Variants in HDAC9 observed in about 807,000 individuals in gnomAD.
HDAC9 encodes MEF-2 interacting transcription repressor (MITR) protein.
In HDAC9, 41 loss-of-function variants were observed where a neutral mutation model predicts 139.4. The ratio of observed to expected loss-of-function variants is 0.29; its 90% CI spans 0.23 to 0.38. The LOEUF (loss-of-function observed/expected upper bound fraction) is 0.38, where lower values mean the gene tolerates loss of function less well. HDAC9 is among the 10% of genes least tolerant of loss of function. The pLI is 1.00. For synonymous variants in HDAC9, 517 were observed against 476.2 expected (o/e 1.09, Z -1.12); for missense variants, 1,147 against 1,297.0 (o/e 0.88, Z 1.78).
chr7:18,312,248 T>C (rs185321615), intron 1 of HDAC9, among the ~76,000 whole-genome samples: 2 of 152,306 alleles, frequency 1.3e-5, no homozygotes, highest in East Asian at 3.9e-4. Flanking sequence ...GTGAAAAATC[T>C]ATTTCTCCAT....
chr7:18,746,259 GA>G (rs1301871150), intron 13 of HDAC9, among the ~76,000 whole-genome samples: 1 of 151,992 alleles, frequency 6.6e-6, no homozygotes, highest in Non-Finnish European at 1.5e-5. Context: ...AACTATAGTT[GA>G]AAAAAATGTT....
chr7:18,312,719 G>A (rs12668703), intron 1 of HDAC9, among the ~76,000 whole-genome samples: 2 of 152,122 alleles, frequency 1.3e-5, no homozygotes, highest in African/African-American at 4.8e-5. Flanking sequence ...GTTTGTGTCA[G>A]GAAGTTGCTT....
intron 1 of HDAC9, among the ~76,000 whole-genome samples, chr7:18,441,191 G>A (rs936500588): frequency 2.0e-5 from 3 of 152,096 alleles, no homozygotes; most frequent in African/African-American, 4.8e-5. Flanking sequence ...CATTCTGTTC[G>A]TTTGTTAATA....
In HDAC9 at chr7:18,451,407, A is replaced by G. The variant is rs866246781; in HGVS notation, c.-41-44855A>G. ...TGTGTGTGTGTGTGTGTGTGTATAT[A>G]TGTGTGTGTGTGTGTATATATATGT... On this transcript the variant is annotated intron_variant, in intron 1 of 3. Transcript: ENST00000413509. Among the ~76,000 whole-genome samples, 244 of 116,490 alleles carry G rather than the reference A, an allele frequency of 2.1e-3. 1 individual carries two copies. The highest frequency in any genetic ancestry group is 6.5e-3 in the African/African-American group (213 of 33,014). 76.4% of individuals were successfully genotyped at this position (116,490 alleles called of 152,430 possible).
intron 1 of HDAC9, among the ~76,000 whole-genome samples, chr7:18,095,601 G>A (rs540312778): frequency 1.1e-4 from 16 of 152,110 alleles, no homozygotes; most frequent in African/African-American, 3.1e-4. Context: ...AGAATGGGCC[G>A]GTTTTGACTA....
At chr7:18,873,578 A>G (rs1034808472) in intron 21 of HDAC9, among the ~76,000 whole-genome samples, 4 of 152,180 alleles carry the variant, frequency 2.6e-5, no homozygotes, top group African/African-American at 9.7e-5. Flanking sequence ...AAGGATAACT[A>G]TTTTAATATT....
chr7:18,700,307 G>T (rs753026585), intron 12 of HDAC9, among the ~76,000 whole-genome samples: 1 of 152,208 alleles, frequency 6.6e-6, no homozygotes, highest in Non-Finnish European at 1.5e-5. Flanking sequence ...TTATGAATGA[G>T]TTGTCTTTAT....
At chr7:18,864,027 A>G (rs117375729) in intron 21 of HDAC9, among the ~76,000 whole-genome samples, 8 of 152,284 alleles carry the variant, frequency 5.3e-5, no homozygotes, top group Non-Finnish European at 1.0e-4. Context: ...TTTGTATTAT[A>G]TGTTTTTTAA....
At chr7:18,321,181 G>A (rs765494474) in intron 1 of HDAC9, among the ~76,000 whole-genome samples, 3 of 152,052 alleles carry the variant, frequency 2.0e-5, no homozygotes, top group Non-Finnish European at 4.4e-5. Flanking sequence ...TCCACCTAGT[G>A]GAGGAGATGG....
intron 22 of HDAC9, among the ~76,000 whole-genome samples, chr7:18,907,534 CAT>C (rs1203590845): frequency 1.3e-5 from 2 of 152,166 alleles, no homozygotes; most frequent in Non-Finnish European, 2.9e-5. Context: ...TTTGTGATGT[CAT>C]ATTATTTGAC....
At chr7:18,186,427 G>A (rs1272432276) in intron 2 of HDAC9, among the ~76,000 whole-genome samples, 1 of 152,266 alleles carries the variant, frequency 6.6e-6, no homozygotes, top group Non-Finnish European at 1.5e-5. Flanking sequence ...CTTGTGGTAG[G>A]ATGGTGCTTT....
At chr7:18,314,908 A>G (rs559074250) in intron 1 of HDAC9, among the ~76,000 whole-genome samples, 4 of 152,360 alleles carry the variant, frequency 2.6e-5, no homozygotes, top group African/African-American at 9.6e-5. Context: ...ACAAATAAAT[A>G]TGTGTTAAGT....
intron 1 of HDAC9, among the ~76,000 whole-genome samples, chr7:18,483,882 C>A (rs1795771134): frequency 6.6e-6 from 1 of 151,968 alleles, no homozygotes; most frequent in Non-Finnish European, 1.5e-5. Context: ...TTATTTTAAT[C>A]TTTCTGTTTT....
chr7:18,275,846 C>G (rs1796684561), intron 2 of HDAC9, among the ~76,000 whole-genome samples: 1 of 152,146 alleles, frequency 6.6e-6, no homozygotes, highest in African/African-American at 2.4e-5. Flanking sequence ...TTCCTATTTT[C>G]TAACATACCT....
At chr7:18,543,917 A>T (rs952723141) in intron 2 of HDAC9, among the ~76,000 whole-genome samples, 2 of 151,912 alleles carry the variant, frequency 1.3e-5, no homozygotes, top group Non-Finnish European at 2.9e-5. Context: ...AGTGGCTTAC[A>T]AGGTTGAGAC....
intron 22 of HDAC9, among the ~76,000 whole-genome samples, chr7:18,931,234 C>T (rs959196632): frequency 6.6e-6 from 1 of 152,032 alleles, no homozygotes; most frequent in Non-Finnish European, 1.5e-5. Flanking sequence ...CATTTCTAAG[C>T]ATTAGGGATC....
At chr7:18,892,801 C>T (rs1029504420) in intron 22 of HDAC9, among the ~76,000 whole-genome samples, 1 of 151,804 alleles carries the variant, frequency 6.6e-6, no homozygotes, top group Non-Finnish European at 1.5e-5. Flanking sequence ...TGTTTTTGTC[C>T]CAGACATAAA....
intron 1 of HDAC9, among the ~76,000 whole-genome samples, chr7:18,317,727 T>G (rs1262151763): frequency 6.6e-6 from 1 of 152,184 alleles, no homozygotes; most frequent in Admixed American, 6.5e-5. Flanking sequence ...TGGAATTGTT[T>G]CGGGGGATGG....
At chr7:18,995,589 A>C (rs1029578693) in intron 25 of HDAC9, among the ~76,000 whole-genome samples, 1 of 152,226 alleles carries the variant, frequency 6.6e-6, no homozygotes, top group Admixed American at 6.5e-5. Context: ...CAGTTATGAA[A>C]GAACAGAAGC....
Sources: gnomAD v4.1 joint callset for allele counts (sites outside exome capture counted in the v4.1 genomes callset) on GRCh38, gnomAD v4.1.1 for gene constraint, MANE v1.5 for transcripts, NCBI Gene and HGNC (gene_info 2026-07-23, HGNC 2026-07-21) for gene names.